The following RORB variants were observed in gnomAD, a reference collection of about 807,000 sequenced individuals.
RORB encodes the protein RAR related orphan receptor B.
A neutral mutation model predicts 59.1 loss-of-function variants in RORB; 6 were observed. The observed-to-expected ratio is 0.10, with a 90% CI of 0.06 to 0.20. The LOEUF is 0.20. RORB is among the 10% of genes least tolerant of loss of function. The pLI is 1.00. For missense variants in RORB, 320 were observed against 560.5 expected (o/e 0.57, Z 4.33); for synonymous variants, 215 against 204.5 (o/e 1.05, Z -0.44).
rs1026174189 is a variant in RORB, at chr9:74,545,039, A to C, written c.7+47056A>C. 2.0e-4 allele frequency among the ~76,000 whole-genome samples: 31 copies of C among 151,954 alleles called. 1 individual carries two copies. Among genetic ancestry groups the C allele is most frequent in the African/African-American group, 2.4e-5 (1 of 41,386 alleles). Reference sequence around the variant, plus strand: ...GGGGATGTATTGAAAGTTCTACGAAAATTGCTATGTACTACAGAACTGCAA... The same window carrying C: ...GGGGATGTATTGAAAGTTCTACGAACATTGCTATGTACTACAGAACTGCAA... On this transcript the variant is annotated intron_variant, in intron 1 of 9. Transcript: ENST00000376896.
At position 74,546,875 on chromosome 9, in the gene RORB, C is replaced by T. The variant is rs137983190; in HGVS notation, c.7+48892C>T. ...AGTGAAGACAGAAGAATATCAGGAT[C>T]AAAATTTGGGAGTTTGAGACCAGCC... On this transcript the variant is annotated intron_variant, in intron 1 of 9. Coordinates refer to ENST00000376896, the MANE Select transcript of RORB (RefSeq NM_006914.4). Among the ~76,000 whole-genome samples the T allele has an allele frequency of 4.3e-3, 659 of 152,164 alleles. 7 individuals carry two copies. Among genetic ancestry groups the T allele is most frequent in the African/African-American group, 0.015 (621 of 41,522 alleles).
intron 1 of RORB, among the ~76,000 whole-genome samples, chr9:74,568,186 C>T (rs897244559): frequency 6.6e-6 from 1 of 151,918 alleles, no homozygotes; most frequent in African/African-American, 2.4e-5. Flanking sequence ...CCGTACTGGA[C>T]AACACTCACA....
Position 74,635,971 on chromosome 9 carries a change from A to AAC in RORB, c.235+1201_235+1202dup, listed in dbSNP as rs1171168057. ...CAAATTTGACCAAAAAAAAAAAAAA[A>AAC]ACAGAATCTGACCTGAAACCCTTCA... is the stretch of plus-strand genomic sequence containing the variant. On this transcript the variant is annotated intron_variant, in intron 3 of 9. Coordinates refer to ENST00000376896, the MANE Select transcript of RORB (RefSeq NM_006914.4). Among the ~76,000 whole-genome samples, 24 of 151,962 alleles carry AAC rather than the reference A, an allele frequency of 1.6e-4. No individual in the cohort carries two copies. In the East Asian group the frequency reaches 4.6e-3, roughly 29 times the overall value.
chr9:74,541,279 C>CAAAAAAAAAAAAAAAAAA (rs374556016), intron 1 of RORB, among the ~76,000 whole-genome samples: 11 of 43,574 alleles, frequency 2.5e-4, no homozygotes, highest in African/African-American at 1.1e-3. Context: ...GACTCCATCT[C>CAAAAAAAAAAAAAAAAAA]AAAAAAAAAA....
chr9:74,607,533 C>T (rs1254771848), intron 1 of RORB, among the ~76,000 whole-genome samples: 1 of 152,076 alleles, frequency 6.6e-6, no homozygotes, highest in African/African-American at 2.4e-5. Context: ...AAATGTCCTA[C>T]ATTCAAAAGC....
chr9:74,566,521 G>A (rs1822470520), intron 1 of RORB, among the ~76,000 whole-genome samples: 1 of 152,070 alleles, frequency 6.6e-6, no homozygotes, highest in African/African-American at 2.4e-5. Flanking sequence ...TTCCGGCCGG[G>A]CACAGTGGCT....
intron 1 of RORB, among the ~76,000 whole-genome samples, chr9:74,581,305 T>C (rs1445470167): frequency 1.3e-5 from 2 of 152,188 alleles, no homozygotes; most frequent in Non-Finnish European, 2.9e-5. Context: ...AGATCTACTC[T>C]TTCTTGAGCT....
chr9:74,658,150 C>T (rs993194189), intron 4 of RORB, among the ~76,000 whole-genome samples: 4 of 151,868 alleles, frequency 2.6e-5, no homozygotes, highest in Admixed American at 2.6e-4. Context: ...GCTCTGCTGT[C>T]CAGTTCTTAA....
intron 4 of RORB, among the ~76,000 whole-genome samples, chr9:74,653,301 C>T (rs1038052783): frequency 3.3e-5 from 5 of 152,160 alleles, no homozygotes; most frequent in African/African-American, 1.2e-4. Flanking sequence ...CACTAATTCA[C>T]AGTGAATCTC....
chr9:74,664,739 T>C (rs544533955), intron 6 of RORB, among the ~76,000 whole-genome samples: 1 of 152,340 alleles, frequency 6.6e-6, no homozygotes, highest in South Asian at 2.1e-4. Context: ...GATAAAGTGA[T>C]GGCATAAGAC....
intron 1 of RORB, among the ~76,000 whole-genome samples, chr9:74,581,443 T>C (rs1822721742): frequency 6.6e-6 from 1 of 152,180 alleles, no homozygotes; most frequent in African/African-American, 2.4e-5. Flanking sequence ...TTTTCATCTC[T>C]TATCCCAGGA....
At chr9:74,601,511 G>T (rs1475409068) in intron 1 of RORB, among the ~76,000 whole-genome samples, 1 of 151,982 alleles carries the variant, frequency 6.6e-6, no homozygotes, top group Non-Finnish European at 1.5e-5. Context: ...GATATTTTAT[G>T]CATAAACAAG....
chr9:74,626,706 T>A (rs888871505), intron 1 of RORB, among the ~76,000 whole-genome samples: 1 of 152,238 alleles, frequency 6.6e-6, no homozygotes, highest in Admixed American at 6.5e-5. Context: ...GAAACCGTAG[T>A]CAACAGCATG....
intron 1 of RORB, among the ~76,000 whole-genome samples, chr9:74,515,721 A>G (rs1197091592): frequency 1.3e-5 from 2 of 152,042 alleles, no homozygotes; most frequent in East Asian, 1.9e-4. Context: ...TAACAGATGC[A>G]AATTGTTAAG....
chr9:74,521,227 C>T (rs1250638493), intron 1 of RORB, among the ~76,000 whole-genome samples: 4 of 151,798 alleles, frequency 2.6e-5, no homozygotes, highest in African/African-American at 9.7e-5. Flanking sequence ...ATGGTGAAGT[C>T]CAGCTGTAAC....
chr9:74,590,159 A>G (rs1822865939), intron 1 of RORB, among the ~76,000 whole-genome samples: 1 of 152,086 alleles, frequency 6.6e-6, no homozygotes, highest in South Asian at 2.1e-4. Flanking sequence ...AGTAGTAGTA[A>G]TAGTAATAGT....
intron 1 of RORB, among the ~76,000 whole-genome samples, chr9:74,564,334 T>A (rs985216180): frequency 6.6e-6 from 1 of 152,228 alleles, no homozygotes; most frequent in African/African-American, 2.4e-5. Flanking sequence ...AAAAAGCAAA[T>A]GAAGCATAAG....
chr9:74,678,973 A>G (rs12236026), intron 9 of RORB, among the ~76,000 whole-genome samples: 6,822 of 150,648 alleles, frequency 0.045, 452 homozygotes, highest in East Asian at 0.35. Context: ...CGGAGATGGC[A>G]GTGAGCTGAG....
intron 1 of RORB, among the ~76,000 whole-genome samples, chr9:74,510,075 G>C (rs1461914016): frequency 6.6e-6 from 1 of 151,964 alleles, no homozygotes; most frequent in African/African-American, 2.4e-5. Context: ...GATTTTTCAG[G>C]CCTCTTTAAT....
Sources: allele counts gnomAD v4.1 joint callset (sites outside exome capture counted in the v4.1 genomes callset), GRCh38; gene constraint gnomAD v4.1.1; transcripts MANE v1.5; gene names NCBI Gene and HGNC (gene_info 2026-07-23, HGNC 2026-07-21).